PCGF6: variants seen among roughly 807,000 people sequenced by gnomAD.
The protein encoded by PCGF6 is polycomb group RING finger protein 6.
In PCGF6, 24 loss-of-function variants were observed where a neutral mutation model predicts 45.5. That is an observed-to-expected ratio of 0.53 (90% CI 0.38 to 0.74). The LOEUF (loss-of-function observed/expected upper bound fraction) is 0.74, where lower values mean the gene tolerates loss of function less well. Among genes scored for constraint, PCGF6 ranks in the 30% least tolerant of loss-of-function variants. PCGF6 has a pLI of 0.00. For missense variants in PCGF6, 356 were observed against 443.2 expected, an observed-to-expected ratio of 0.80 and a Z score of 1.77; for synonymous variants, 152 against 162.1, an observed-to-expected ratio of 0.94 and a Z score of 0.47.
At chr10:103,326,986 A>G (rs1190485386) in intron 7 of PCGF6, among the ~76,000 whole-genome samples, 1 of 152,078 alleles carries the variant, frequency 6.6e-6, no homozygotes, top group Non-Finnish European at 1.5e-5. Context: ...CCAATACCAA[A>G]TGTCTGAAAC....
At chr10:103,330,528 C>T (rs1298703136) in intron 7 of PCGF6, among the ~76,000 whole-genome samples, 1 of 152,142 alleles carries the variant, frequency 6.6e-6, no homozygotes, top group Non-Finnish European at 1.5e-5. Context: ...AATTCACATA[C>T]CATTAAATTC....
At chr10:103,311,501 G>A (rs977885872) in intron 9 of PCGF6, among the ~76,000 whole-genome samples, 2 of 147,354 alleles carry the variant, frequency 1.4e-5, no homozygotes, top group Admixed American at 6.9e-5. Context: ...CTGGAGTACA[G>A]AGCCACTCAT....
intron 6 of PCGF6, among the ~76,000 whole-genome samples, chr10:103,344,516 C>G (rs1296611865): frequency 1.3e-5 from 2 of 152,074 alleles, no homozygotes; most frequent in African/African-American, 4.8e-5. Flanking sequence ...GATCCGCCCA[C>G]CTCAGCCTCC....
chr10:103,329,780 T>C (rs2093233188), intron 7 of PCGF6, among the ~76,000 whole-genome samples: 1 of 140,942 alleles, frequency 7.1e-6, no homozygotes, highest in African/African-American at 2.7e-5. Flanking sequence ...GCCAGTTTTT[T>C]TGTTGTTTGT....
intron 7 of PCGF6, among the ~76,000 whole-genome samples, chr10:103,328,284 A>ACAG (rs1208206760): frequency 6.6e-6 from 1 of 152,218 alleles, no homozygotes; most frequent in Non-Finnish European, 1.5e-5. Flanking sequence ...GTTCCATGTT[A>ACAG]CAGCACTCAG....
intron 8 of PCGF6, among the ~76,000 whole-genome samples, chr10:103,322,288 T>A (rs1328660199): frequency 6.6e-6 from 1 of 151,966 alleles, no homozygotes; most frequent in African/African-American, 2.4e-5. Context: ...GTAGCCTGGA[T>A]CTCCCAGGCT....
At chr10:103,337,668 C>T (rs1378832254) in intron 6 of PCGF6, among the ~76,000 whole-genome samples, 1 of 152,158 alleles carries the variant, frequency 6.6e-6, no homozygotes, top group African/African-American at 2.4e-5. Flanking sequence ...TGGCTCACGC[C>T]TGTAATCCCA....
intron 8 of PCGF6, among the ~76,000 whole-genome samples, chr10:103,324,383 A>G (rs1239508610): frequency 6.7e-6 from 1 of 148,332 alleles, no homozygotes; most frequent in Non-Finnish European, 1.5e-5. Flanking sequence ...TACTAACTGG[A>G]CCACAGAACT....
At chr10:103,336,359 A>G (rs1382724309) in intron 6 of PCGF6, among the ~76,000 whole-genome samples, 1 of 151,814 alleles carries the variant, frequency 6.6e-6, no homozygotes, top group Non-Finnish European at 1.5e-5. Context: ...CAATATATAA[A>G]TGTAAACTGT....
intron 9 of PCGF6, among the ~76,000 whole-genome samples, chr10:103,312,864 G>A (rs1231203729): frequency 6.6e-6 from 1 of 152,146 alleles, no homozygotes; most frequent in African/African-American, 2.4e-5. Flanking sequence ...GGGAGGCTGA[G>A]GCAGGAGAAT....
chr10:103,345,182 A>G, intron 5 of PCGF6, 50 bp from the exon 6 acceptor site: 8 of 1,323,022 alleles, frequency 6.0e-6, no homozygotes, highest in Non-Finnish European at 8.6e-6. Flanking sequence ...AATGCCATAA[A>G]TTGAGATCTT....
At chr10:103,346,284 G>A (rs1481745653) in intron 5 of PCGF6, among the ~76,000 whole-genome samples, 3 of 151,820 alleles carry the variant, frequency 2.0e-5, no homozygotes, top group African/African-American at 7.3e-5. Context: ...CTGAGGTCAG[G>A]AGTTCAAGAC....
At chr10:103,339,810 A>AACACAC (rs201660003) in intron 6 of PCGF6, among the ~76,000 whole-genome samples, 7 of 32,220 alleles carry the variant, frequency 2.2e-4, no homozygotes, top group Admixed American at 4.3e-4. Context: ...TCAAAAAAAA[A>AACACAC]ACACACACAC....
intron 7 of PCGF6, among the ~76,000 whole-genome samples, chr10:103,332,244 T>C (rs2093242821): frequency 6.6e-6 from 1 of 152,188 alleles, no homozygotes; most frequent in Admixed American, 6.6e-5. Flanking sequence ...TATTCTGGGT[T>C]GCACATGTGT....
rs1312606310 is a variant in PCGF6 at position 103,326,527 on chromosome 10, A to G, written c.909+7T>C. The G allele has an allele frequency of 6.3e-7, 1 of 1,592,464 alleles. No homozygotes were observed. On this transcript the variant is annotated splice_region_variant and intron_variant, in intron 8 of 9. Coordinates refer to ENST00000369847, the MANE Select transcript of PCGF6 (RefSeq NM_001011663.2). ...TTTACCTATTCTTTTACATATATGT[A>G]CTGTACCTGACAAGCTGGATCAAGA...
At chr10:103,314,932 G>A (rs181563473) in intron 8 of PCGF6, among the ~76,000 whole-genome samples, 153 of 126,792 alleles carry the variant, frequency 1.2e-3, no homozygotes, top group Middle Eastern at 5.5e-3. Context: ...TCCAGCCTGG[G>A]CCACAGAGCG....
chr10:103,304,892 C>T (rs2093132653), intron 9 of PCGF6, among the ~76,000 whole-genome samples: 1 of 152,102 alleles, frequency 6.6e-6, no homozygotes, highest in South Asian at 2.1e-4. Context: ...CTGCCTGTCT[C>T]AGACTCCCAA....
At position 103,316,009 on chromosome 10, in the gene PCGF6, T is replaced by G. The variant is rs1229951597; in HGVS notation, c.910-1737A>C. Among the ~76,000 whole-genome samples, 935 of 127,152 alleles carry G rather than the reference T, an allele frequency of 7.4e-3. 5 individuals are homozygous for G. The highest frequency in any genetic ancestry group is 0.014 in the South Asian group (59 of 4,122). The allele number at this position is 127,152 out of a possible 152,430, so 83.4% of individuals were successfully genotyped here. A position where few individuals can be genotyped will look rare whatever the true frequency, so the allele number is the denominator to read the frequency against. On this transcript the variant is annotated intron_variant, in intron 8 of 9. Coordinates refer to ENST00000369847, the MANE Select transcript of PCGF6 (RefSeq NM_001011663.2). ...GTGTGTGTGTGTATATATATATATA[T>G]ATATAGAGAGAGAGAGAGAGAGAGA...
In PCGF6 at chr10:103,350,592, C is replaced by T; in HGVS notation, c.360+115G>A. On this transcript the variant is annotated intron_variant, in intron 1 of 9. Coordinates refer to ENST00000369847, the MANE Select transcript of PCGF6 (RefSeq NM_001011663.2). ...GGCAGAGGTCGGGGGAGGTCCGCTCCAGTGCTCCGCGCGGCGGCGGCGCAC... is the reference window on the plus strand; with the variant it reads ...GGCAGAGGTCGGGGGAGGTCCGCTCTAGTGCTCCGCGCGGCGGCGGCGCAC... 4 of 1,105,098 alleles carry T rather than the reference C, an allele frequency of 3.6e-6. No individual in the cohort carries two copies. In the South Asian group the frequency reaches 8.7e-5, roughly 24 times the overall value. 68.5% of individuals were successfully genotyped at this position (1,105,098 alleles called of 1,614,324 possible).
Sources: gnomAD v4.1 joint callset for allele counts (sites outside exome capture counted in the v4.1 genomes callset) on GRCh38, gnomAD v4.1.1 for gene constraint, MANE v1.5 for transcripts, NCBI Gene and HGNC (gene_info 2026-07-23, HGNC 2026-07-21) for gene names.